Variants in TFAP2D observed in about 807,000 individuals in gnomAD.
The protein encoded by TFAP2D is transcription factor AP-2 delta, also known as transcription factor AP-2-delta.
In TFAP2D, 9 loss-of-function variants were observed where a neutral mutation model predicts 43.6. The ratio of observed to expected loss-of-function variants is 0.21; its 90% CI spans 0.12 to 0.36. TFAP2D has a LOEUF of 0.36. Among genes scored for constraint, TFAP2D ranks in the 10% least tolerant of loss-of-function variants. TFAP2D has a pLI of 1.00. For missense variants in TFAP2D, 513 were observed against 561.4 expected (o/e 0.91, Z 0.87); for synonymous variants, 256 against 224.9 (o/e 1.14, Z -1.24).
chr6:50,714,032 C>T lies in TFAP2D; in HGVS notation c.-24C>T, dbSNP rs756682962. 2 of 1,609,506 alleles carry T rather than the reference C, an allele frequency of 1.2e-6. No individual in the cohort carries two copies. Among genetic ancestry groups the T allele is most frequent in the Non-Finnish European group, 1.7e-6 (2 of 1,178,684 alleles). ...CTTTTTTTGGAGGGGGAAATTGCAT[C>T]GTAAGCTTTCGGAGAAACCCAACAT... On this transcript the variant is annotated 5_prime_UTR_variant, in exon 1 of 8. Transcript: ENST00000008391.
chr6:50,772,809 T>C lies in TFAP2D; in HGVS notation c.1304T>C (p.Leu435Pro). The C allele has an allele frequency of 6.8e-6, 11 of 1,614,032 alleles. No individual in the cohort carries two copies. The highest frequency in any genetic ancestry group is 8.5e-6 in the Non-Finnish European group (10 of 1,179,982). ...CATGCCAACTCGGAGAAAGCTCCCC[T>C]GCGGAAAACTTCAGAGGCTGCCGTG... is the stretch of plus-strand genomic sequence containing the variant. Reference protein sequence around the residue: ...QGHANSEKAPLRKTSEAAVKE... With the variant: ...QGHANSEKAPPRKTSEAAVKE... Residue 435 changes from leucine to proline, a missense_variant, in exon 8 of 8, where the codon CTG becomes CCG. Leu to Pro is a moderately conservative substitution (Grantham distance 98, BLOSUM62 -3). Around this residue, in one of 3 missense-constraint regions of TFAP2D, gnomAD observed 199 missense variants for 227.9 expected, o/e 0.87. Transcript: ENST00000008391.
chr6:50,743,341 GA>G (rs909323475), intron 5 of TFAP2D, among the ~76,000 whole-genome samples: 13 of 150,242 alleles, frequency 8.7e-5, no homozygotes, highest in African/African-American at 3.2e-4. Context: ...TTGTGAGAAT[GA>G]AAAAAATAGT....
At chr6:50,758,162 T>A (rs910395676) in intron 7 of TFAP2D, among the ~76,000 whole-genome samples, 4 of 151,796 alleles carry the variant, frequency 2.6e-5, no homozygotes, top group African/African-American at 9.7e-5. Flanking sequence ...AAATATACCC[T>A]CTTACTACTG....
intron 7 of TFAP2D, among the ~76,000 whole-genome samples, chr6:50,754,945 A>G (rs1462661188): frequency 6.6e-6 from 1 of 151,798 alleles, no homozygotes. Flanking sequence ...TCTTTGGTAC[A>G]TAGTTTTAAA....
chr6:50,761,657 T>G (rs1418956722), intron 7 of TFAP2D, among the ~76,000 whole-genome samples: 1 of 152,076 alleles, frequency 6.6e-6, no homozygotes, highest in Non-Finnish European at 1.5e-5. Context: ...CTGGTCTAAT[T>G]TAAATTAGTT....
chr6:50,756,248 G>C (rs1290091295), intron 7 of TFAP2D, among the ~76,000 whole-genome samples: 3 of 152,040 alleles, frequency 2.0e-5, no homozygotes, highest in Admixed American at 6.6e-5. Context: ...GATGAATTAC[G>C]AAGGAGACAT....
At chr6:50,742,039 T>C (rs553614796) in intron 5 of TFAP2D, among the ~76,000 whole-genome samples, 2 of 152,170 alleles carry the variant, frequency 1.3e-5, no homozygotes, top group Non-Finnish European at 2.9e-5. Context: ...CTGTAAAATG[T>C]CTAGTTTTCT....
chr6:50,756,055 G>T (rs1454595748), intron 7 of TFAP2D, among the ~76,000 whole-genome samples: 1 of 151,768 alleles, frequency 6.6e-6, no homozygotes, highest in Non-Finnish European at 1.5e-5. Flanking sequence ...TAGAGATAGG[G>T]TTTCACCATG....
chr6:50,715,150 T>C lies in TFAP2D; in HGVS notation c.74T>C (p.Met25Thr). Residue 25 changes from methionine (M) to threonine (T), a missense_variant, in exon 2 of 8, where the codon ATG (methionine) becomes ACG (threonine). Physicochemically the swap from Met to Thr is moderately conservative, Grantham distance 81. Around this residue, in one of 3 missense-constraint regions of TFAP2D, gnomAD observed 311 missense variants for 316.2 expected, o/e 0.98. Transcript: ENST00000008391. ...RHDGSNSYRL[M>T]QLGCLESVAN... is the part of the protein sequence containing the mutation. ...GACGGATCAAACAGCTACCGTTTGATGCAGCTTGGCTGTCTGGAGTCAGTA... is the reference window on the plus strand; with the variant it reads ...GACGGATCAAACAGCTACCGTTTGACGCAGCTTGGCTGTCTGGAGTCAGTA... 6.2e-7 allele frequency: 1 copy of C among 1,614,100 alleles called. No homozygotes were observed. The highest frequency in any genetic ancestry group is 8.5e-7 in the Non-Finnish European group (1 of 1,180,026).
At chr6:50,727,810 C>T (rs562768511) in intron 3 of TFAP2D, among the ~76,000 whole-genome samples, 17 of 152,246 alleles carry the variant, frequency 1.1e-4, no homozygotes, top group East Asian at 5.8e-4. Flanking sequence ...ATGCATTAGG[C>T]GGTTTTGGAT....
intron 5 of TFAP2D, among the ~76,000 whole-genome samples, chr6:50,734,362 A>G (rs1768934240): frequency 6.6e-6 from 1 of 152,116 alleles, no homozygotes; most frequent in Admixed American, 6.6e-5. Flanking sequence ...TCATAAATAA[A>G]GACCATCATA....
chr6:50,745,631 C>CA lies in TFAP2D; in HGVS notation c.1025+384dup, dbSNP rs1751956879. ...AAATGAGGGTAAAATCTCAAAACAC[C>CA]ATAAATGTTTGGGGAATGTGACAGA... On this transcript the variant is annotated intron_variant, in intron 6 of 7. Coordinates refer to ENST00000008391, the MANE Select transcript of TFAP2D (RefSeq NM_172238.4). Among the ~76,000 whole-genome samples the CA allele has an allele frequency of 2.0e-5, 3 of 152,156 alleles. No individual in the cohort carries two copies. In the South Asian group the frequency reaches 6.2e-4, roughly 32 times the overall value.
At chr6:50,757,561 CTA>C (rs1310346643) in intron 7 of TFAP2D, among the ~76,000 whole-genome samples, 16 of 64,514 alleles carry the variant, frequency 2.5e-4, no homozygotes, top group African/African-American at 9.3e-4. Context: ...TATAATTATT[CTA>C]TATATATAGA....
chr6:50,771,176 G>A (rs568239661), intron 7 of TFAP2D, among the ~76,000 whole-genome samples: 1 of 152,206 alleles, frequency 6.6e-6, no homozygotes, highest in East Asian at 1.9e-4. Flanking sequence ...TAGTTTTCGG[G>A]ACCTAAATGT....
chr6:50,770,994 T>A (rs1242142103), intron 7 of TFAP2D, among the ~76,000 whole-genome samples: 1 of 152,148 alleles, frequency 6.6e-6, no homozygotes, highest in East Asian at 1.9e-4. Flanking sequence ...TTCGGGACAG[T>A]TAACATAAGT....
intron 5 of TFAP2D, among the ~76,000 whole-genome samples, chr6:50,737,623 G>T (rs1030102932): frequency 6.6e-6 from 1 of 152,148 alleles, no homozygotes; most frequent in Non-Finnish European, 1.5e-5. Flanking sequence ...AAGGATATAT[G>T]TGTGTATCTC....
At chr6:50,744,954 T>TC (rs1215160818) in intron 5 of TFAP2D, among the ~76,000 whole-genome samples, 153 bp from the exon 6 acceptor site, 2 of 151,584 alleles carry the variant, frequency 1.3e-5, no homozygotes, top group African/African-American at 4.8e-5. Context: ...CCTCCCCTCC[T>TC]CCCCCCAAAA....
chr6:50,713,930 A>G lies in TFAP2D; in HGVS notation c.-126A>G. The G allele has an allele frequency of 1.4e-6, 2 of 1,390,566 alleles. No individual in the cohort carries two copies. Among genetic ancestry groups the G allele is most frequent in the South Asian group, 1.2e-5 (1 of 83,414 alleles). The allele number at this position is 1,390,566 out of a possible 1,614,324, so 86.1% of individuals were successfully genotyped here. The stretch of plus-strand genomic sequence containing the variant: ...TCCGGGCAAAACCATTACAATTTAG[A>G]TATCTACCTATAGAACATTTTTTTT... On this transcript the variant is annotated 5_prime_UTR_variant, in exon 1 of 8. Transcript: ENST00000008391.
rs1423634873 is a variant in TFAP2D at position 50,719,219 on chromosome 6, C to G, written c.598+69C>G. On this transcript the variant is annotated intron_variant, in intron 3 of 7. Transcript: ENST00000008391. ...CTATCTCTTACTTTGTTTAGAAGAT[C>G]TGGTTGTGCTCAGATTCCTTTTCTG... 17 of 1,502,956 alleles carry G rather than the reference C, an allele frequency of 1.1e-5. No individual in the cohort carries two copies. The East Asian group carries it at 4.0e-4, about 35-fold the overall frequency. The allele number at this position is 1,502,956 out of a possible 1,614,324, so 93.1% of individuals were successfully genotyped here. A position where few individuals can be genotyped will look rare whatever the true frequency, so the allele number is the denominator to read the frequency against.
Sources: allele counts gnomAD v4.1 joint callset (sites outside exome capture counted in the v4.1 genomes callset), GRCh38; gene constraint gnomAD v4.1.1; regional missense constraint gnomAD v4.1.1; transcripts MANE v1.5; gene names NCBI Gene and HGNC (gene_info 2026-07-23, HGNC 2026-07-21).